GPC5: variants seen among roughly 807,000 people sequenced by gnomAD.
The protein encoded by GPC5 is glypican 5.
Under a neutral mutation model 53.9 loss-of-function variants are expected in GPC5, and 47 were observed. The observed-to-expected ratio is 0.87, with a 90% CI of 0.69 to 1.11. The LOEUF (loss-of-function observed/expected upper bound fraction) is 1.11, where lower values mean the gene tolerates loss of function less well. Among genes scored for constraint, GPC5 ranks in the 50% most tolerant of loss-of-function variants. The probability of loss-of-function intolerance (pLI) is 0.00; values close to 1 mark genes in which losing one functional copy is unlikely to be tolerated. For synonymous variants in GPC5, 286 were observed against 263.3 expected (o/e 1.09, Z -0.84); for missense variants, 748 against 713.1 (o/e 1.05, Z -0.56).
At chr13:92,022,669 T>A (rs1262035447) in intron 6 of GPC5, among the ~76,000 whole-genome samples, 2 of 152,070 alleles carry the variant, frequency 1.3e-5, no homozygotes, top group African/African-American at 4.8e-5. Flanking sequence ...TTATATCTTT[T>A]AATATCTACT....
At position 92,831,938 on chromosome 13, in the gene GPC5, A is replaced by G. The variant is rs571311421; in HGVS notation, c.1562-34344A>G. ...TACTCTGATTGGCCTTGTTTGAAAC[A>G]TGCACTCATCCCTAAATCCATTAAT... On this transcript the variant is annotated intron_variant, in intron 7 of 7. Coordinates refer to ENST00000377067, the MANE Select transcript of GPC5 (RefSeq NM_004466.6). Among the ~76,000 whole-genome samples, 6 of 152,306 alleles carry G rather than the reference A, an allele frequency of 3.9e-5. No individual in the cohort carries two copies. In the South Asian group the frequency reaches 1.0e-3, roughly 26 times the overall value.
chr13:92,818,290 G>A (rs925698963), intron 7 of GPC5, among the ~76,000 whole-genome samples: 1 of 151,950 alleles, frequency 6.6e-6, no homozygotes, highest in Admixed American at 6.5e-5. Context: ...CATTACAGGC[G>A]TGAGCCACCG....
chr13:92,035,774 A>AC (rs1305809032), intron 6 of GPC5, among the ~76,000 whole-genome samples: 2 of 151,520 alleles, frequency 1.3e-5, no homozygotes, highest in African/African-American at 4.9e-5. Context: ...AAAACAAAAA[A>AC]AACAATGTTC....
At chr13:91,669,232 T>A (rs1256223334) in intron 2 of GPC5, among the ~76,000 whole-genome samples, 1 of 152,134 alleles carries the variant, frequency 6.6e-6, no homozygotes, top group East Asian at 1.9e-4. Flanking sequence ...TGGTATAGAG[T>A]ATGTGCATTA....
At chr13:92,086,011 A>T (rs558229058) in intron 6 of GPC5, among the ~76,000 whole-genome samples, 2 of 152,324 alleles carry the variant, frequency 1.3e-5, no homozygotes, top group South Asian at 4.1e-4. Context: ...CAAGCCTTTT[A>T]AATGAGTGAA....
intron 7 of GPC5, among the ~76,000 whole-genome samples, chr13:92,592,347 A>G (rs909522331): frequency 6.6e-6 from 1 of 151,748 alleles, no homozygotes; most frequent in African/African-American, 2.4e-5. Context: ...GTATGTGTCT[A>G]AGAAGTCAAA....
chr13:91,455,668 C>A (rs563647485), intron 2 of GPC5, among the ~76,000 whole-genome samples: 6 of 152,064 alleles, frequency 3.9e-5, no homozygotes, highest in Non-Finnish European at 7.4e-5. Context: ...TTTTTATGTG[C>A]TATAGAAATC....
At chr13:92,754,610 G>A (rs896831775) in intron 7 of GPC5, among the ~76,000 whole-genome samples, 6 of 151,088 alleles carry the variant, frequency 4.0e-5, no homozygotes, top group Admixed American at 6.6e-5. Flanking sequence ...ACACACATAG[G>A]CTCAAAATAA....
chr13:92,063,375 TA>T (rs2041140035), intron 6 of GPC5, among the ~76,000 whole-genome samples: 1 of 152,028 alleles, frequency 6.6e-6, no homozygotes, highest in African/African-American at 2.4e-5. Flanking sequence ...AATCTCAGAG[TA>T]TAATAGGTCC....
rs1566451783 is a variant in GPC5 at position 92,866,607 on chromosome 13, T to C, written c.*168T>C. The C allele has an allele frequency of 6.2e-6, 3 of 483,074 alleles. No individual in the cohort carries two copies. The highest frequency in any genetic ancestry group is 1.0e-5 in the Non-Finnish European group (3 of 288,002). The allele number at this position is 483,074 out of a possible 1,614,324, so 29.9% of individuals were successfully genotyped here. ...GAAATATTCATAAAGTCCCTAAAACTCAACGTTTAAATGACACACTTTAAA... is the reference window on the plus strand; with the variant it reads ...GAAATATTCATAAAGTCCCTAAAACCCAACGTTTAAATGACACACTTTAAA... On this transcript the variant is annotated 3_prime_UTR_variant, in exon 8 of 8. Transcript: ENST00000377067.
At chr13:92,317,484 G>A (rs1394361916) in intron 7 of GPC5, among the ~76,000 whole-genome samples, 2 of 151,558 alleles carry the variant, frequency 1.3e-5, no homozygotes, top group Admixed American at 6.6e-5. Context: ...TTTGTTTTTT[G>A]TTTTTTGTTT....
At chr13:92,052,863 G>A (rs538987117) in intron 6 of GPC5, among the ~76,000 whole-genome samples, 4 of 152,216 alleles carry the variant, frequency 2.6e-5, no homozygotes, top group African/African-American at 9.6e-5. Flanking sequence ...CCTGAGTCAA[G>A]GGAACTGTAG....
At chr13:91,642,218 A>G (rs1305503345) in intron 2 of GPC5, among the ~76,000 whole-genome samples, 1 of 152,240 alleles carries the variant, frequency 6.6e-6, no homozygotes, top group Non-Finnish European at 1.5e-5. Flanking sequence ...GCAGGCTCTT[A>G]AATATACATT....
intron 7 of GPC5, among the ~76,000 whole-genome samples, chr13:92,213,439 C>T (rs1213007301): frequency 6.6e-6 from 1 of 152,098 alleles, no homozygotes; most frequent in African/African-American, 2.4e-5. Context: ...GTCTATGGAA[C>T]ACTTACCTCT....
chr13:92,299,092 G>A (rs998799602), intron 7 of GPC5, among the ~76,000 whole-genome samples: 1 of 152,068 alleles, frequency 6.6e-6, no homozygotes, highest in African/African-American at 2.4e-5. Flanking sequence ...AATAACTTAT[G>A]GAATTGTAAA....
At chr13:91,984,569 G>A (rs765971143) in intron 6 of GPC5, among the ~76,000 whole-genome samples, 1 of 152,202 alleles carries the variant, frequency 6.6e-6, no homozygotes, top group African/African-American at 2.4e-5. Flanking sequence ...TTGAGTCATC[G>A]TAGTTGTTTT....
intron 6 of GPC5, among the ~76,000 whole-genome samples, chr13:91,920,048 A>G (rs562155456): frequency 5.3e-5 from 8 of 152,170 alleles, no homozygotes; most frequent in Admixed American, 2.0e-4. Context: ...GATAGCCTCT[A>G]ATGCACAGTA....
At chr13:91,548,902 G>GA (rs1297520209) in intron 2 of GPC5, among the ~76,000 whole-genome samples, 2 of 152,074 alleles carry the variant, frequency 1.3e-5, no homozygotes, top group Non-Finnish European at 2.9e-5. Flanking sequence ...TCCACATGTG[G>GA]AAAAATGAGT....
At chr13:92,399,504 T>C (rs1335499763) in intron 7 of GPC5, among the ~76,000 whole-genome samples, 1 of 152,090 alleles carries the variant, frequency 6.6e-6, no homozygotes, top group Non-Finnish European at 1.5e-5. Flanking sequence ...ATTATACCTA[T>C]TTACCCCCAG....
Sources: gnomAD v4.1 joint callset for allele counts (sites outside exome capture counted in the v4.1 genomes callset) on GRCh38, gnomAD v4.1.1 for gene constraint, MANE v1.5 for transcripts, NCBI Gene and HGNC (gene_info 2026-07-23, HGNC 2026-07-21) for gene names.